PPP1R12A: variants seen among roughly 807,000 people sequenced by gnomAD.
PPP1R12A encodes the protein protein phosphatase 1 regulatory subunit 12A.
In PPP1R12A, 19 loss-of-function variants were observed where a neutral mutation model predicts 139.6. That is an observed-to-expected ratio of 0.14 (90% CI 0.09 to 0.20). The LOEUF (loss-of-function observed/expected upper bound fraction) is 0.20, where lower values mean the gene tolerates loss of function less well. PPP1R12A is among the 10% of genes least tolerant of loss of function. The pLI, the probability that PPP1R12A is intolerant of heterozygous loss-of-function variation, is 1.00. For synonymous variants in PPP1R12A, 427 were observed against 420.6 expected (o/e 1.02, Z -0.19); for missense variants, 925 against 1,211.5 (o/e 0.76, Z 3.51).
intron 5 of PPP1R12A, among the ~76,000 whole-genome samples, chr12:79,823,592 CTT>C (rs11310475): frequency 0.012 from 1,709 of 141,574 alleles, 9 homozygotes; most frequent in South Asian, 0.033. Flanking sequence ...TGAAAGGTAT[CTT>C]TTTTTTTTTT....
In PPP1R12A at chr12:79,775,997, C is replaced by A; in HGVS notation, c.3025G>T (p.Ala1009Ser). 6.3e-7 allele frequency: 1 copy of A among 1,596,772 alleles called. No individual in the cohort carries two copies. Among genetic ancestry groups the A allele is most frequent in the Non-Finnish European group, 8.5e-7 (1 of 1,170,862 alleles). ...TCATCCTTTAGCCTCTGGTTGTCTG[C>A]TTTTAGGTCTGGTAACATCTATAAA... ...EELKMLPDLK[A>S]DNQRLKDENG... The change falls in exon 25 of 25, where the codon GCA becomes TCA. Residue 1009 changes from alanine to serine, a missense_variant. Physicochemically the swap from Ala to Ser is moderately conservative, Grantham distance 99. Transcript: ENST00000450142.
intron 5 of PPP1R12A, 106 bp downstream of exon 5, chr12:79,828,210 ATAAT>A (rs1877022832): frequency 2.2e-6 from 2 of 910,410 alleles, no homozygotes; most frequent in Admixed American, 3.5e-5. Flanking sequence ...TAATAAAAAT[ATAAT>A]TATATAATGT....
intron 1 of PPP1R12A, among the ~76,000 whole-genome samples, chr12:79,895,084 G>A (rs1168526026): frequency 6.6e-6 from 1 of 152,108 alleles, no homozygotes; most frequent in African/African-American, 2.4e-5. Flanking sequence ...TCAGTTCTAT[G>A]AGTAATGATT....
intron 2 of PPP1R12A, among the ~76,000 whole-genome samples, chr12:79,861,896 A>G (rs969586012): frequency 6.6e-6 from 1 of 152,158 alleles, no homozygotes; most frequent in Non-Finnish European, 1.5e-5. Context: ...ATATTGGAAC[A>G]AAAGACAGCA....
At chr12:79,792,433 G>A (rs1871996873) in intron 19 of PPP1R12A, among the ~76,000 whole-genome samples, 1 of 151,810 alleles carries the variant, frequency 6.6e-6, no homozygotes. Flanking sequence ...CATTTTCTTT[G>A]TTTAATCCAG....
intron 2 of PPP1R12A, among the ~76,000 whole-genome samples, chr12:79,868,061 T>A (rs1882175323): frequency 6.6e-6 from 1 of 152,176 alleles, no homozygotes; most frequent in Non-Finnish European, 1.5e-5. Context: ...AGAAAGTTTC[T>A]TTTACAAAAA....
In PPP1R12A at chr12:79,797,345, A is replaced by T; in HGVS notation, c.2142T>A (p.Ser714Arg). Residue 714 changes from serine to arginine, a missense_variant, in exon 16 of 25, where the codon AGT (serine) becomes AGA (arginine). By Grantham distance (110) the Ser-to-Arg change is moderately radical. Transcript: ENST00000450142. ...LQEAEKTIGRSRSTRTREQEN... is the reference protein window; with the variant it reads ...LQEAEKTIGRRRSTRTREQEN... ...CTTGTTCTCTGGTTCGGGTAGAACG[A>T]CTTCTTCCTATTGTTTTCTCAGCTT... is the stretch of plus-strand genomic sequence containing the variant. 3 of 1,602,968 alleles carry T rather than the reference A, an allele frequency of 1.9e-6. No homozygotes were observed. The highest frequency in any genetic ancestry group is 2.6e-6 in the Non-Finnish European group (3 of 1,174,598).
rs1870015199 is a variant in PPP1R12A, at chr12:79,778,482, C to A, written c.3006+68G>T. ...TGAGAACAATTAATGTAAACCATAT[C>A]TATAATAGTATTTTAAACATTAATA... On this transcript the variant is annotated intron_variant, in intron 24 of 24. Coordinates refer to ENST00000450142, the MANE Select transcript of PPP1R12A (RefSeq NM_002480.3). 4.6e-6 allele frequency: 5 copies of A among 1,082,996 alleles called. No homozygotes were observed. In the South Asian group the frequency reaches 6.9e-5, roughly 15 times the overall value. 67.1% of individuals were successfully genotyped at this position (1,082,996 alleles called of 1,614,324 possible). A position where few individuals can be genotyped will look rare whatever the true frequency, so the allele number is the denominator to read the frequency against.
chr12:79,789,218 G>A (rs1871496292), intron 20 of PPP1R12A, among the ~76,000 whole-genome samples: 1 of 152,064 alleles, frequency 6.6e-6, no homozygotes. Flanking sequence ...ACAGGAATGA[G>A]CCACTGCACC....
intron 20 of PPP1R12A, among the ~76,000 whole-genome samples, chr12:79,789,159 T>C (rs1871487198): frequency 6.6e-6 from 1 of 152,104 alleles, no homozygotes; most frequent in African/African-American, 2.4e-5. Context: ...CTTGAACTCC[T>C]GGGCTCAAGC....
intron 5 of PPP1R12A, among the ~76,000 whole-genome samples, chr12:79,822,862 T>C (rs1876288642): frequency 6.6e-6 from 1 of 151,440 alleles, no homozygotes; most frequent in African/African-American, 2.4e-5. Flanking sequence ...TGAGCATTCA[T>C]ATACAACTTT....
intron 18 of PPP1R12A, among the ~76,000 whole-genome samples, chr12:79,794,653 A>G (rs959751449): frequency 1.6e-4 from 25 of 152,104 alleles, no homozygotes; most frequent in African/African-American, 5.8e-4. Flanking sequence ...GAAGCTTTTC[A>G]AAAAAGCAGA....
At chr12:79,914,851 T>C (rs1886864634) in intron 1 of PPP1R12A, among the ~76,000 whole-genome samples, 1 of 151,784 alleles carries the variant, frequency 6.6e-6, no homozygotes, top group African/African-American at 2.4e-5. Context: ...AAAAATCTGG[T>C]TTTCTATTAA....
At chr12:79,792,479 T>C (rs137882339) in intron 19 of PPP1R12A, among the ~76,000 whole-genome samples, 79 of 152,318 alleles carry the variant, frequency 5.2e-4, no homozygotes, top group African/African-American at 1.8e-3. Context: ...TTATATTTGT[T>C]ATATTTATTT....
Position 79,795,679 on chromosome 12 carries a change from C to T in PPP1R12A, c.2542G>A (p.Glu848Lys). 6.2e-7 allele frequency: 1 copy of T among 1,612,346 alleles called. No individual in the cohort carries two copies. Among genetic ancestry groups the T allele is most frequent in the Non-Finnish European group, 8.5e-7 (1 of 1,179,334 alleles). Residue 848 changes from glutamate to lysine, a missense_variant, in exon 18 of 25, where the codon GAG (glutamate) becomes AAG (lysine). Glu to Lys is a moderately conservative substitution (Grantham distance 56). Around this residue, in one of 4 missense-constraint regions of PPP1R12A, gnomAD observed 315 missense variants for 363.4 expected, o/e 0.87. Transcript: ENST00000450142. The part of the protein sequence containing the change: ...KSIRERRRPR[E>K]KRRSTGVSFW... ...GAAACTCCTGTAGATCTTCTTTTCT[C>T]TCTTGGTCGTCGTCGTTCTCTGATT...
At chr12:79,795,570 G>T in intron 18 of PPP1R12A, 68 bp downstream of exon 18, 1 of 1,428,826 alleles carries the variant, frequency 7.0e-7, no homozygotes, top group African/African-American at 1.4e-5. Flanking sequence ...TTATTAGTAT[G>T]TATTTTTGGA....
At chr12:79,900,597 T>C (rs534025509) in intron 1 of PPP1R12A, among the ~76,000 whole-genome samples, 1 of 152,220 alleles carries the variant, frequency 6.6e-6, no homozygotes, top group Non-Finnish European at 1.5e-5. Flanking sequence ...CTTTCAGATA[T>C]ATATTTCAGT....
rs531213803 is a variant in PPP1R12A at position 79,791,172 on chromosome 12, C to G, written c.2650-689G>C. Among the ~76,000 whole-genome samples, 66 of 152,160 alleles carry G rather than the reference C, an allele frequency of 4.3e-4. No individual in the cohort carries two copies. In the South Asian group the frequency reaches 0.014, roughly 32 times the overall value. ...AAGATAATCAAATTCAGTAAAATGG[C>G]CATTCCTGAACTAAAATGTCTACAT... On this transcript the variant is annotated intron_variant, in intron 19 of 24. Transcript: ENST00000450142.
At chr12:79,816,032 C>G (rs1302621207) in intron 9 of PPP1R12A, among the ~76,000 whole-genome samples, 1 of 151,950 alleles carries the variant, frequency 6.6e-6, no homozygotes, top group Admixed American at 6.6e-5. Context: ...TATATTTTGA[C>G]CACCTAAAGC....
Sources: allele counts gnomAD v4.1 joint callset (sites outside exome capture counted in the v4.1 genomes callset), GRCh38; gene constraint gnomAD v4.1.1; regional missense constraint gnomAD v4.1.1; transcripts MANE v1.5; gene names NCBI Gene and HGNC (gene_info 2026-07-23, HGNC 2026-07-21).